The following TANGO6 variants were observed in gnomAD, a reference collection of about 807,000 sequenced individuals.
The protein encoded by TANGO6 is transport and Golgi organization protein 6 homolog.
A neutral mutation model predicts 114.2 loss-of-function variants in TANGO6; 90 were observed. The ratio of observed to expected loss-of-function variants is 0.79; its 90% CI spans 0.66 to 0.94. The LOEUF (loss-of-function observed/expected upper bound fraction) is 0.94, where lower values mean the gene tolerates loss of function less well. TANGO6 is among the 40% of genes least tolerant of loss of function. TANGO6 has a pLI of 0.00. For synonymous variants in TANGO6, 477 were observed against 509.8 expected (o/e 0.94, Z 0.87); for missense variants, 1,274 against 1,315.3 (o/e 0.97, Z 0.49).
chr16:69,052,679 G>A (rs1959970814), intron 17 of TANGO6, among the ~76,000 whole-genome samples: 1 of 152,110 alleles, frequency 6.6e-6, no homozygotes, highest in Admixed American at 6.6e-5. Flanking sequence ...ACAGTCCAGT[G>A]GCTTTGGCTT....
chr16:68,942,644 G>A (rs1199833832), intron 14 of TANGO6, among the ~76,000 whole-genome samples: 4 of 152,116 alleles, frequency 2.6e-5, no homozygotes, highest in African/African-American at 9.7e-5. Flanking sequence ...AATTATATTG[G>A]AGGAAAACAT....
intron 7 of TANGO6, among the ~76,000 whole-genome samples, chr16:68,897,529 A>G (rs1409560956): frequency 1.3e-5 from 2 of 152,106 alleles, no homozygotes; most frequent in Non-Finnish European, 2.9e-5. Context: ...CTTGTTCATT[A>G]TAAGAAGATA....
At chr16:68,894,927 C>G (rs1597009338) in intron 7 of TANGO6, among the ~76,000 whole-genome samples, 1 of 152,110 alleles carries the variant, frequency 6.6e-6, no homozygotes, top group South Asian at 2.1e-4. Flanking sequence ...TCTGCTTTCC[C>G]TCTATGTGGA....
At chr16:68,881,082 C>T (rs1597002718) in intron 7 of TANGO6, among the ~76,000 whole-genome samples, 2 of 152,198 alleles carry the variant, frequency 1.3e-5, no homozygotes, top group African/African-American at 4.8e-5. Flanking sequence ...AGCCACTGCG[C>T]CTGGCAAGCT....
chr16:69,054,173 T>C (rs1161657253), intron 17 of TANGO6, among the ~76,000 whole-genome samples: 1 of 152,228 alleles, frequency 6.6e-6, no homozygotes, highest in Non-Finnish European at 1.5e-5. Context: ...ATTCAGTGTG[T>C]AGACTTTCAC....
intron 14 of TANGO6, among the ~76,000 whole-genome samples, chr16:68,940,166 TCTTC>T (rs113183709): frequency 0.049 from 7,322 of 150,624 alleles, 204 homozygotes; most frequent in Non-Finnish European, 0.07. Context: ...TTCCTTCCTT[TCTTC>T]CTTCCTTCCT....
In TANGO6 at chr16:68,859,790, G is replaced by T. The variant is rs1348630307; in HGVS notation, c.95-94G>T. ...AGCCAGTGACAGTGGCGCCCGGCCT[G>T]CGAGGATGAACTGGAGTAGGCAGGG... On this transcript the variant is annotated intron_variant, in intron 1 of 17. Transcript: ENST00000261778. 8 of 1,374,768 alleles carry T rather than the reference G, an allele frequency of 5.8e-6. No individual in the cohort carries two copies. The East Asian group carries it at 2.0e-4, about 34-fold the overall frequency. 85.2% of individuals were successfully genotyped at this position (1,374,768 alleles called of 1,614,324 possible). A position where few individuals can be genotyped will look rare whatever the true frequency, so the allele number is the denominator to read the frequency against.
chr16:69,073,575 G>A (rs1235567315), intron 17 of TANGO6, among the ~76,000 whole-genome samples: 1 of 152,194 alleles, frequency 6.6e-6, no homozygotes, highest in Non-Finnish European at 1.5e-5. Flanking sequence ...CAATAGCGGT[G>A]GAGAGTCATC....
chr16:68,914,159 T>C (rs983889419), intron 11 of TANGO6, among the ~76,000 whole-genome samples: 1 of 152,150 alleles, frequency 6.6e-6, no homozygotes, highest in Non-Finnish European at 1.5e-5. Flanking sequence ...TAGTGAATGT[T>C]TAATATTATT....
chr16:68,844,186 GTATT>G (rs1205915198), intron 1 of TANGO6, among the ~76,000 whole-genome samples: 1 of 152,168 alleles, frequency 6.6e-6, no homozygotes, highest in Non-Finnish European at 1.5e-5. Flanking sequence ...TTTGGGGAGA[GTATT>G]TAGGGGTTAC....
intron 14 of TANGO6, among the ~76,000 whole-genome samples, chr16:68,945,625 T>A (rs191208844): frequency 1.3e-5 from 2 of 152,348 alleles, no homozygotes; most frequent in Admixed American, 1.3e-4. Context: ...ATGTTGAAGA[T>A]CTTTTTATGA....
chr16:69,080,242 A>G (rs1960445073), intron 17 of TANGO6, among the ~76,000 whole-genome samples: 1 of 72,520 alleles, frequency 1.4e-5, no homozygotes, highest in African/African-American at 2.0e-4. Context: ...GGGAAAAAAT[A>G]TGGTACACAA....
At chr16:69,069,978 G>A (rs565199149) in intron 17 of TANGO6, among the ~76,000 whole-genome samples, 63 of 150,788 alleles carry the variant, frequency 4.2e-4, no homozygotes, top group South Asian at 2.3e-3. Context: ...AGGCCGAGGC[G>A]GGCAGATCAC....
chr16:68,863,070 G>T lies in TANGO6; in HGVS notation c.852+9G>T. ...AGGGAGGACCACCCCAGGTACTCAG[G>T]CCTAGGGACTCTTGGGGGTGACTCA... On this transcript the variant is annotated intron_variant, in intron 3 of 17. Coordinates refer to ENST00000261778, the MANE Select transcript of TANGO6 (RefSeq NM_024562.2). 1 of 1,488,694 alleles carries T rather than the reference G, an allele frequency of 6.7e-7. No homozygotes were observed. Among genetic ancestry groups the T allele is most frequent in the Non-Finnish European group, 9.0e-7 (1 of 1,106,684 alleles). The allele number at this position is 1,488,694 out of a possible 1,614,324, so 92.2% of individuals were successfully genotyped here.
intron 14 of TANGO6, among the ~76,000 whole-genome samples, chr16:68,966,627 C>A (rs2152210699): frequency 6.6e-6 from 1 of 152,138 alleles, no homozygotes; most frequent in African/African-American, 2.4e-5. Flanking sequence ...AATTTTGAGA[C>A]AGGGTCTCCC....
In TANGO6 at chr16:69,041,315, G is replaced by A. The variant is rs141005965; in HGVS notation, c.3108+894G>A. On this transcript the variant is annotated intron_variant, in intron 17 of 17. Coordinates refer to ENST00000261778, the MANE Select transcript of TANGO6 (RefSeq NM_024562.2). Reference sequence around the variant, plus strand: ...TACAAAATTAGCCAGGTGTGGTGGCGCATGCCTGTAATCCCATCTACTCGG... The same window carrying A: ...TACAAAATTAGCCAGGTGTGGTGGCACATGCCTGTAATCCCATCTACTCGG... 3.1e-3 allele frequency among the ~76,000 whole-genome samples: 475 copies of A among 152,004 alleles called. 27 individuals are homozygous for A. The East Asian group carries it at 0.076, about 24-fold the overall frequency.
At chr16:68,916,545 G>T (rs1308277840) in intron 11 of TANGO6, among the ~76,000 whole-genome samples, 1 of 149,706 alleles carries the variant, frequency 6.7e-6, no homozygotes, top group African/African-American at 2.5e-5. Flanking sequence ...GATCACTACT[G>T]TCAATCATTT....
At chr16:69,052,185 A>G (rs892841930) in intron 17 of TANGO6, among the ~76,000 whole-genome samples, 12 of 151,478 alleles carry the variant, frequency 7.9e-5, no homozygotes, top group Non-Finnish European at 1.3e-4. Context: ...TCCTAGGCTC[A>G]AGCAATCCTG....
At chr16:68,847,078 T>C (rs1026319457) in intron 1 of TANGO6, among the ~76,000 whole-genome samples, 9 of 151,902 alleles carry the variant, frequency 5.9e-5, no homozygotes, top group Admixed American at 5.9e-4. Flanking sequence ...TTAGTAGAGA[T>C]GGGGTTTCTC....
Sources: gnomAD v4.1 joint callset for allele counts (sites outside exome capture counted in the v4.1 genomes callset) on GRCh38, gnomAD v4.1.1 for gene constraint, MANE v1.5 for transcripts, NCBI Gene and HGNC (gene_info 2026-07-23, HGNC 2026-07-21) for gene names.